Variants in PPP2R2B observed in about 807,000 individuals in gnomAD.
The protein encoded by PPP2R2B is serine/threonine-protein phosphatase 2A 55 kDa regulatory subunit B beta isoform.
Under a neutral mutation model 46.0 loss-of-function variants are expected in PPP2R2B, and 5 were observed. The ratio of observed to expected loss-of-function variants is 0.11; its 90% CI spans 0.06 to 0.23. The LOEUF (loss-of-function observed/expected upper bound fraction) is 0.23, where lower values mean the gene tolerates loss of function less well. PPP2R2B is among the 10% of genes least tolerant of loss of function. The pLI is 1.00. For missense variants in PPP2R2B, 367 were observed against 575.0 expected, an observed-to-expected ratio of 0.64 and a Z score of 3.70; for synonymous variants, 215 against 206.7, an observed-to-expected ratio of 1.04 and a Z score of -0.34.
chr5:147,000,787 G>T (rs1754134720), intron 1 of PPP2R2B, among the ~76,000 whole-genome samples: 1 of 152,014 alleles, frequency 6.6e-6, no homozygotes, highest in Admixed American at 6.6e-5. Context: ...TTAGCAGTGA[G>T]CACCATCAGC....
At chr5:146,768,013 A>G (rs935092810) in intron 2 of PPP2R2B, among the ~76,000 whole-genome samples, 3 of 152,140 alleles carry the variant, frequency 2.0e-5, no homozygotes, top group Non-Finnish European at 4.4e-5. Flanking sequence ...ATATCTTATT[A>G]GAGATTCACA....
Position 146,588,256 on chromosome 5 carries a change from A to T in PPP2R2B, c.*1691T>A, listed in dbSNP as rs1770269340. The T allele has an allele frequency of 6.6e-6, 1 of 152,206 alleles. No individual in the cohort carries two copies. Among genetic ancestry groups the T allele is most frequent in the South Asian group, 2.1e-4 (1 of 4,830 alleles). 9.4% of individuals were successfully genotyped at this position (152,206 alleles called of 1,614,324 possible). On this transcript the variant is annotated 3_prime_UTR_variant, in exon 10 of 10. Coordinates refer to ENST00000394411, the MANE Select transcript of PPP2R2B (RefSeq NM_181675.4). ...CTTTTTTACATTTTAATGTTCCTGAAATTGGGCTGCATCTAACAAGACTGT... is the reference window on the plus strand; with the variant it reads ...CTTTTTTACATTTTAATGTTCCTGATATTGGGCTGCATCTAACAAGACTGT...
intron 1 of PPP2R2B, among the ~76,000 whole-genome samples, chr5:146,974,672 G>A (rs1231226611): frequency 6.6e-6 from 1 of 151,322 alleles, no homozygotes; most frequent in African/African-American, 2.4e-5. Flanking sequence ...AAAAAAATGT[G>A]TATGGTGAAA....
chr5:146,675,206 C>G (rs1345943919), intron 5 of PPP2R2B, among the ~76,000 whole-genome samples: 1 of 152,080 alleles, frequency 6.6e-6, no homozygotes, highest in East Asian at 1.9e-4. Flanking sequence ...GTGATCCACC[C>G]GCCTCAGCCT....
intron 2 of PPP2R2B, among the ~76,000 whole-genome samples, chr5:146,847,439 T>G: frequency 6.6e-6 from 1 of 152,204 alleles, no homozygotes; most frequent in East Asian, 1.9e-4. Flanking sequence ...CCACATCCAT[T>G]ACTCTCCTTT....
At chr5:146,641,503 ATTTTTTTT>A (rs61445378) in intron 6 of PPP2R2B, among the ~76,000 whole-genome samples, 1,705 of 128,516 alleles carry the variant, frequency 0.013, 24 homozygotes, top group African/African-American at 0.032. Flanking sequence ...GTGCTCTAAG[ATTTTTTTT>A]TTTTTTTTTT....
chr5:146,946,187 A>G (rs1171254417), intron 1 of PPP2R2B, among the ~76,000 whole-genome samples: 2 of 152,164 alleles, frequency 1.3e-5, no homozygotes, highest in African/African-American at 4.8e-5. Context: ...GCTAGTAGCG[A>G]GTATAGCCCA....
intron 1 of PPP2R2B, among the ~76,000 whole-genome samples, chr5:147,014,537 C>T (rs1288523286): frequency 1.3e-5 from 2 of 151,978 alleles, no homozygotes; most frequent in Non-Finnish European, 2.9e-5. Flanking sequence ...ACATATACAC[C>T]ATGGAATACT....
intron 1 of PPP2R2B, among the ~76,000 whole-genome samples, chr5:146,903,729 C>T (rs574226298): frequency 4.4e-4 from 67 of 152,252 alleles, no homozygotes; most frequent in South Asian, 1.2e-3. Context: ...CTTAAGAGTA[C>T]ATGCTTTAAA....
chr5:146,707,979 G>T (rs971098533), intron 2 of PPP2R2B, among the ~76,000 whole-genome samples: 2 of 152,102 alleles, frequency 1.3e-5, no homozygotes, highest in Non-Finnish European at 2.9e-5. Flanking sequence ...TTTTTAACTT[G>T]TAAACAATTT....
intron 5 of PPP2R2B, among the ~76,000 whole-genome samples, chr5:146,671,720 A>T (rs1777388052): frequency 6.6e-6 from 1 of 152,212 alleles, no homozygotes; most frequent in Non-Finnish European, 1.5e-5. Context: ...AGAGAGCACA[A>T]AACTACATCC....
chr5:146,778,698 G>A (rs1388686329), intron 2 of PPP2R2B, among the ~76,000 whole-genome samples: 1 of 152,142 alleles, frequency 6.6e-6, no homozygotes, highest in African/African-American at 2.4e-5. Flanking sequence ...GAGGAGATGG[G>A]TCAGTGACTC....
intron 2 of PPP2R2B, among the ~76,000 whole-genome samples, chr5:146,809,842 G>C (rs1384108006): frequency 6.6e-6 from 1 of 152,196 alleles, no homozygotes; most frequent in Non-Finnish European, 1.5e-5. Context: ...GAAGCAGGGA[G>C]ACCCGGTAGG....
At chr5:146,668,433 C>A (rs975131866) in intron 5 of PPP2R2B, among the ~76,000 whole-genome samples, 4 of 152,150 alleles carry the variant, frequency 2.6e-5, no homozygotes, top group African/African-American at 9.7e-5. Context: ...AATTTCCCCC[C>A]ACTTCCCTGC....
At chr5:147,070,371 A>T (rs2151910818) in intron 2 of PPP2R2B, among the ~76,000 whole-genome samples, 1 of 152,330 alleles carries the variant, frequency 6.6e-6, no homozygotes, top group South Asian at 2.1e-4. Context: ...AAATAAATAT[A>T]CTAAGAAAAA....
At chr5:146,920,065 C>A (rs1763541170) in intron 1 of PPP2R2B, among the ~76,000 whole-genome samples, 1 of 151,952 alleles carries the variant, frequency 6.6e-6, no homozygotes, top group African/African-American at 2.4e-5. Flanking sequence ...AGTGAGAAAA[C>A]AAAGGTAAAC....
chr5:146,963,374 A>G (rs889838911), intron 1 of PPP2R2B, among the ~76,000 whole-genome samples: 17 of 152,018 alleles, frequency 1.1e-4, no homozygotes, highest in Non-Finnish European at 2.1e-4. Context: ...CGGAGTAGGG[A>G]TCTGGAGGGT....
At chr5:146,806,039 G>T (rs545925454) in intron 2 of PPP2R2B, among the ~76,000 whole-genome samples, 1 of 152,148 alleles carries the variant, frequency 6.6e-6, no homozygotes, top group Non-Finnish European at 1.5e-5. Flanking sequence ...TTTCTGGGAG[G>T]CTTGCAGATA....
intron 2 of PPP2R2B, among the ~76,000 whole-genome samples, chr5:146,722,001 T>A (rs1228445005): frequency 2.0e-5 from 3 of 152,168 alleles, no homozygotes; most frequent in Non-Finnish European, 2.9e-5. Flanking sequence ...CATTTAACCC[T>A]CACAATAAAA....
Sources: gnomAD v4.1 joint callset for allele counts (sites outside exome capture counted in the v4.1 genomes callset) on GRCh38, gnomAD v4.1.1 for gene constraint, MANE v1.5 for transcripts, NCBI Gene and HGNC (gene_info 2026-07-23, HGNC 2026-07-21) for gene names.